Variants in ERP44 observed in about 807,000 individuals in gnomAD.
ERP44 encodes the protein endoplasmic reticulum protein 44, also known as endoplasmic reticulum resident protein 44.
Under a neutral mutation model 53.4 loss-of-function variants are expected in ERP44, and 25 were observed. The ratio of observed to expected loss-of-function variants is 0.47; its 90% CI spans 0.34 to 0.65. The LOEUF is 0.65. Ranked by LOEUF, ERP44 falls within the 30% of genes least tolerant of loss-of-function variation. ERP44 has a pLI of 0.01. For missense variants in ERP44, 338 were observed against 493.2 expected, an observed-to-expected ratio of 0.69 and a Z score of 2.98; for synonymous variants, 145 against 161.2, an observed-to-expected ratio of 0.90 and a Z score of 0.76.
chr9:100,008,301 C>G (rs1372730484), intron 8 of ERP44, among the ~76,000 whole-genome samples: 2 of 152,076 alleles, frequency 1.3e-5, no homozygotes, highest in African/African-American at 4.8e-5. Context: ...ATACCTACCC[C>G]TATATATTTT....
chr9:100,030,574 A>T (rs6478995), intron 4 of ERP44, among the ~76,000 whole-genome samples: 5 of 152,112 alleles, frequency 3.3e-5, no homozygotes, highest in Middle Eastern at 3.4e-3. Flanking sequence ...TAGAGGCCCC[A>T]CTCAGTAAAG....
chr9:100,031,800 G>C (rs1825793448), intron 4 of ERP44, among the ~76,000 whole-genome samples: 1 of 152,050 alleles, frequency 6.6e-6, no homozygotes, highest in Non-Finnish European at 1.5e-5. Flanking sequence ...CCCTGTTTTG[G>C]GAAAAACCTC....
chr9:100,028,319 G>T (rs1432151382), intron 4 of ERP44, among the ~76,000 whole-genome samples: 1 of 152,182 alleles, frequency 6.6e-6, no homozygotes, highest in Non-Finnish European at 1.5e-5. Flanking sequence ...CAGAGAACCT[G>T]GTCCCACCAG....
intron 1 of ERP44, among the ~76,000 whole-genome samples, chr9:100,063,656 C>T (rs1826180096): frequency 1.3e-5 from 2 of 151,956 alleles, no homozygotes; most frequent in African/African-American, 4.8e-5. Flanking sequence ...TAAAAACTTA[C>T]ATGGAAATTT....
intron 1 of ERP44, among the ~76,000 whole-genome samples, chr9:100,091,991 T>TTCAA (rs1414465604): frequency 6.6e-6 from 1 of 152,244 alleles, no homozygotes; most frequent in Non-Finnish European, 1.5e-5. Context: ...TCTCCTCATC[T>TTCAA]GAATTACTAA....
intron 2 of ERP44, among the ~76,000 whole-genome samples, chr9:100,059,592 G>A (rs1313962376): frequency 6.6e-6 from 1 of 152,118 alleles, no homozygotes; most frequent in Non-Finnish European, 1.5e-5. Flanking sequence ...GAAGGTTGAG[G>A]AAAGAGGATT....
chr9:100,069,713 T>C (rs1225880978), intron 1 of ERP44, among the ~76,000 whole-genome samples: 1 of 152,172 alleles, frequency 6.6e-6, no homozygotes, highest in Non-Finnish European at 1.5e-5. Context: ...AGAAAACAAA[T>C]TCCATACCTC....
intron 4 of ERP44, among the ~76,000 whole-genome samples, chr9:100,042,031 G>A (rs1208264680): frequency 1.3e-5 from 2 of 152,190 alleles, no homozygotes; most frequent in Admixed American, 1.3e-4. Context: ...ATAGGCACAG[G>A]CAACCAAAGT....
intron 10 of ERP44, among the ~76,000 whole-genome samples, chr9:100,003,428 G>A (rs1487385963): frequency 2.0e-5 from 3 of 152,200 alleles, no homozygotes; most frequent in South Asian, 4.1e-4. Context: ...ACTTATTCTA[G>A]TCTTTGACTG....
At position 100,040,651 on chromosome 9, in the gene ERP44, C is replaced by T. The variant is rs570020866; in HGVS notation, c.286+11766G>A. The stretch of plus-strand genomic sequence containing the variant: ...TATTATTCAACATAGTACTGGAAGT[C>T]GTAGCTAGAGCAGTCAGATGAGAGA... On this transcript the variant is annotated intron_variant, in intron 4 of 11. Coordinates refer to ENST00000262455, the MANE Select transcript of ERP44 (RefSeq NM_015051.3). Among the ~76,000 whole-genome samples, 19 of 152,094 alleles carry T rather than the reference C, an allele frequency of 1.2e-4. No individual in the cohort carries two copies. The South Asian group carries it at 2.9e-3, about 23-fold the overall frequency.
chr9:99,991,577 T>G (rs1830255345), intron 10 of ERP44, among the ~76,000 whole-genome samples: 2 of 152,254 alleles, frequency 1.3e-5, no homozygotes, highest in South Asian at 2.1e-4. Flanking sequence ...GATCTAAAAT[T>G]TATACCCTAC....
intron 8 of ERP44, among the ~76,000 whole-genome samples, chr9:100,008,459 C>T (rs559139795): frequency 1.3e-5 from 2 of 152,088 alleles, no homozygotes; most frequent in Non-Finnish European, 2.9e-5. Context: ...ATCATTTATT[C>T]TCCCCAACAA....
chr9:100,031,859 C>CA (rs1385157868), intron 4 of ERP44, among the ~76,000 whole-genome samples: 1 of 152,154 alleles, frequency 6.6e-6, no homozygotes, highest in African/African-American at 2.4e-5. Flanking sequence ...AGATTCCTCT[C>CA]AAAATCTAAG....
chr9:100,023,106 G>A (rs1191545897), intron 4 of ERP44, among the ~76,000 whole-genome samples: 1 of 152,096 alleles, frequency 6.6e-6, no homozygotes, highest in African/African-American at 2.4e-5. Context: ...TGCTTTAGGA[G>A]CTGGTACTTC....
rs59679784 is a variant in ERP44, at chr9:100,007,429, C to T, written c.874+149G>A. The stretch of plus-strand genomic sequence containing the variant: ...CCTCATATTATCTCTCTACTAATGC[C>T]TCCTTACCATCACATTTGAATGTGT... On this transcript the variant is annotated intron_variant, in intron 9 of 11. Coordinates refer to ENST00000262455, the MANE Select transcript of ERP44 (RefSeq NM_015051.3). 2,616 of 583,202 alleles carry T rather than the reference C, an allele frequency of 4.5e-3. 49 individuals are homozygous for T. The African/African-American group carries it at 0.046, about 10-fold the overall frequency. The allele number at this position is 583,202 out of a possible 1,614,324, so 36.1% of individuals were successfully genotyped here.
At chr9:99,989,988 A>G (rs1413575163) in intron 10 of ERP44, among the ~76,000 whole-genome samples, 1 of 152,142 alleles carries the variant, frequency 6.6e-6, no homozygotes, top group Non-Finnish European at 1.5e-5. Flanking sequence ...AAAAAGAGAC[A>G]AACAAAGCCT....
rs1486888248 is a variant in ERP44 at position 100,082,591 on chromosome 9, C to CGATT, written c.57+16192_57+16193insAATC. ...GGAGATTGGTACCAGGACACTCCAC[C>CGATT]AAAATCCATGCATGCTCAGGACCCA... On this transcript the variant is annotated intron_variant, in intron 1 of 11. Coordinates refer to ENST00000262455, the MANE Select transcript of ERP44 (RefSeq NM_015051.3). 2.6e-5 allele frequency among the ~76,000 whole-genome samples: 4 copies of CGATT among 152,040 alleles called. No homozygotes were observed. In the East Asian group the frequency reaches 5.8e-4, roughly 22 times the overall value.
intron 1 of ERP44, among the ~76,000 whole-genome samples, chr9:100,061,800 A>G (rs1213705795): frequency 2.6e-5 from 4 of 152,076 alleles, no homozygotes; most frequent in Non-Finnish European, 5.9e-5. Context: ...TTATAAAACT[A>G]ATTTCATTAT....
intron 10 of ERP44, among the ~76,000 whole-genome samples, chr9:99,986,161 A>C (rs975909741): frequency 6.6e-6 from 1 of 152,230 alleles, no homozygotes; most frequent in African/African-American, 2.4e-5. Flanking sequence ...GGGTTAACAA[A>C]TAAGAGCTTT....
Sources: gnomAD v4.1 joint callset for allele counts (sites outside exome capture counted in the v4.1 genomes callset) on GRCh38, gnomAD v4.1.1 for gene constraint, MANE v1.5 for transcripts, NCBI Gene and HGNC (gene_info 2026-07-23, HGNC 2026-07-21) for gene names.